SLIT3: variants seen among roughly 807,000 people sequenced by gnomAD.
SLIT3 encodes the protein slit guidance ligand 3.
In SLIT3, 68 loss-of-function variants were observed where a neutral mutation model predicts 184.0. That is an observed-to-expected ratio of 0.37 (90% CI 0.30 to 0.45). The LOEUF (loss-of-function observed/expected upper bound fraction) is 0.45, where lower values mean the gene tolerates loss of function less well. SLIT3 is among the 20% of genes least tolerant of loss of function. SLIT3 has a pLI of 1.00. For missense variants in SLIT3, 1,707 were observed against 2,026.0 expected, an observed-to-expected ratio of 0.84 and a Z score of 3.02; for synonymous variants, 831 against 828.6, an observed-to-expected ratio of 1.00 and a Z score of -0.05.
At chr5:169,006,256 C>G (rs538788681) in intron 4 of SLIT3, among the ~76,000 whole-genome samples, 14 of 152,316 alleles carry the variant, frequency 9.2e-5, no homozygotes, top group African/African-American at 2.9e-4. Flanking sequence ...ATTCTCTTCT[C>G]TAATCATCTA....
At chr5:169,249,529 G>C (rs539728946) in intron 2 of SLIT3, among the ~76,000 whole-genome samples, 4 of 152,170 alleles carry the variant, frequency 2.6e-5, no homozygotes, top group African/African-American at 9.6e-5. Flanking sequence ...GGTTGTTTTT[G>C]ACTTTGTTAG....
At chr5:168,985,512 C>T (rs1010876889) in intron 4 of SLIT3, among the ~76,000 whole-genome samples, 1 of 152,180 alleles carries the variant, frequency 6.6e-6, no homozygotes, top group African/African-American at 2.4e-5. Context: ...GCTTGCCTTC[C>T]CAGCACTTCT....
At chr5:168,865,513 T>C (rs1386599348) in intron 5 of SLIT3, among the ~76,000 whole-genome samples, 1 of 152,258 alleles carries the variant, frequency 6.6e-6, no homozygotes, top group Non-Finnish European at 1.5e-5. Context: ...ATTCCATTTA[T>C]ATGAAATAGT....
chr5:168,683,412 G>C (rs1761651513), intron 32 of SLIT3, among the ~76,000 whole-genome samples: 2 of 151,020 alleles, frequency 1.3e-5, no homozygotes. Context: ...GTTGAAAGTT[G>C]CTGTAAGGCA....
intron 9 of SLIT3, among the ~76,000 whole-genome samples, chr5:168,796,906 G>T (rs1275798494): frequency 2.0e-5 from 3 of 152,240 alleles, no homozygotes; most frequent in Non-Finnish European, 4.4e-5. Context: ...CACTCTCCAG[G>T]CAAAAGGAAG....
chr5:169,037,517 T>C (rs1259106394), intron 4 of SLIT3, among the ~76,000 whole-genome samples: 3 of 152,216 alleles, frequency 2.0e-5, no homozygotes, highest in Non-Finnish European at 4.4e-5. Flanking sequence ...CTAATTAAAG[T>C]GTCAGGATGG....
chr5:169,221,105 C>T (rs1461159134), intron 3 of SLIT3, among the ~76,000 whole-genome samples: 2 of 152,198 alleles, frequency 1.3e-5, no homozygotes, highest in Non-Finnish European at 2.9e-5. Context: ...ATTGTGAGGG[C>T]TCAGGATTCC....
chr5:169,103,065 C>T (rs539390863), intron 4 of SLIT3, among the ~76,000 whole-genome samples: 13 of 152,296 alleles, frequency 8.5e-5, no homozygotes, highest in South Asian at 2.1e-4. Context: ...ACTTCATCCA[C>T]GCCCTACTCA....
At chr5:169,110,660 A>C (rs1004791682) in intron 4 of SLIT3, among the ~76,000 whole-genome samples, 1 of 152,206 alleles carries the variant, frequency 6.6e-6, no homozygotes, top group Non-Finnish European at 1.5e-5. Flanking sequence ...ATGAGGTAAC[A>C]TTCACAGATA....
chr5:168,892,143 A>C (rs2113809971), intron 4 of SLIT3, among the ~76,000 whole-genome samples: 1 of 152,376 alleles, frequency 6.6e-6, no homozygotes, highest in African/African-American at 2.4e-5. Flanking sequence ...TAGCCATATT[A>C]AAAACAGTAA....
At chr5:169,159,505 G>A (rs1762406540) in intron 4 of SLIT3, among the ~76,000 whole-genome samples, 1 of 138,306 alleles carries the variant, frequency 7.2e-6, no homozygotes, top group African/African-American at 2.5e-5. Flanking sequence ...GCCAGGCGCG[G>A]TAGCTCACGC....
At chr5:169,192,108 C>T (rs1278254157) in intron 4 of SLIT3, among the ~76,000 whole-genome samples, 3 of 152,146 alleles carry the variant, frequency 2.0e-5, no homozygotes, top group African/African-American at 4.8e-5. Flanking sequence ...TTCTGGTATG[C>T]CCATTTGGCA....
At chr5:169,153,091 G>GTGTC (rs998310784) in intron 4 of SLIT3, among the ~76,000 whole-genome samples, 3 of 152,194 alleles carry the variant, frequency 2.0e-5, no homozygotes, top group African/African-American at 7.2e-5. Context: ...CCCATAGTGT[G>GTGTC]TGTCTGGATA....
At chr5:169,222,632 G>C (rs1275212534) in intron 3 of SLIT3, among the ~76,000 whole-genome samples, 1 of 152,096 alleles carries the variant, frequency 6.6e-6, no homozygotes, top group Non-Finnish European at 1.5e-5. Flanking sequence ...CAAGTAGAAG[G>C]GTCTAAGAAA....
chr5:168,939,912 A>T (rs1159812511), intron 4 of SLIT3, among the ~76,000 whole-genome samples: 1 of 152,192 alleles, frequency 6.6e-6, no homozygotes. Context: ...TCCTATTTTT[A>T]TGCCTGTTTT....
intron 2 of SLIT3, among the ~76,000 whole-genome samples, chr5:169,250,336 A>G (rs4867775): frequency 0.31 from 46,818 of 152,184 alleles, 8,643 homozygotes; most frequent in Middle Eastern, 0.49. Flanking sequence ...AAGTAATCAC[A>G]AAAATAATCA....
chr5:168,694,064 GT>G (rs1761983043), intron 28 of SLIT3, among the ~76,000 whole-genome samples: 1 of 152,134 alleles, frequency 6.6e-6, no homozygotes, highest in Non-Finnish European at 1.5e-5. Flanking sequence ...TTTGGCAGTT[GT>G]GGAGATTAAA....
At chr5:168,984,517 GCTGT>G (rs1755058913) in intron 4 of SLIT3, among the ~76,000 whole-genome samples, 2 of 152,112 alleles carry the variant, frequency 1.3e-5, no homozygotes, top group South Asian at 4.1e-4. Flanking sequence ...GGGCCTCCAA[GCTGT>G]CTGTATAAGA....
chr5:168,677,202 G>A (rs1761442502), intron 32 of SLIT3, among the ~76,000 whole-genome samples: 4 of 152,236 alleles, frequency 2.6e-5, no homozygotes, highest in Admixed American at 2.6e-4. Context: ...CCCTGGGCAA[G>A]TCATATCACT....
Sources: allele counts gnomAD v4.1 joint callset (sites outside exome capture counted in the v4.1 genomes callset), GRCh38; gene constraint gnomAD v4.1.1; transcripts MANE v1.5; gene names NCBI Gene and HGNC (gene_info 2026-07-23, HGNC 2026-07-21).